SGF29: variants seen among roughly 807,000 people sequenced by gnomAD.
SGF29 encodes the protein SAGA-associated factor 29.
Under a neutral mutation model 38.1 loss-of-function variants are expected in SGF29, and 15 were observed. The ratio of observed to expected loss-of-function variants is 0.39; its 90% CI spans 0.26 to 0.61. The LOEUF (loss-of-function observed/expected upper bound fraction) is 0.61, where lower values mean the gene tolerates loss of function less well. Ranked by LOEUF, SGF29 falls within the 20% of genes least tolerant of loss-of-function variation. SGF29 has a pLI of 0.49. For synonymous variants in SGF29, 151 were observed against 160.8 expected (o/e 0.94, Z 0.46); for missense variants, 184 against 394.6 (o/e 0.47, Z 4.52).
intron 1 of SGF29, among the ~76,000 whole-genome samples, chr16:28,557,990 T>C (rs961559903): frequency 2.7e-5 from 4 of 147,944 alleles, no homozygotes; most frequent in Admixed American, 6.8e-5. Context: ...TTTTTTTTTT[T>C]TCAGAGACGG....
intron 2 of SGF29, among the ~76,000 whole-genome samples, chr16:28,584,489 C>G (rs75539558): frequency 0.32 from 48,711 of 150,214 alleles, 8,652 homozygotes; most frequent in Non-Finnish European, 0.38. Flanking sequence ...CCTGTCTCTA[C>G]TAAAAATACA....
At chr16:28,560,548 C>T (rs1011707940) in intron 1 of SGF29, among the ~76,000 whole-genome samples, 11 of 145,086 alleles carry the variant, frequency 7.6e-5, no homozygotes, top group Admixed American at 2.1e-4. Context: ...GAGGTTACAC[C>T]ATTGCACTCC....
chr16:28,590,789 C>T lies in SGF29; in HGVS notation c.619C>T (p.Arg207Trp), dbSNP rs1207027680. 1 of 1,614,046 alleles carries T rather than the reference C, an allele frequency of 6.2e-7. No individual in the cohort carries two copies. The highest frequency in any genetic ancestry group is 8.5e-7 in the Non-Finnish European group (1 of 1,179,964). ...TTCCCCCAGGAGACACACCCTGAGC[C>T]GGCGCCGTGTCATCCCGCTGCCCCA... ...EEGKERHTLSRRRVIPLPQWK... is the reference protein window; with the variant it reads ...EEGKERHTLSWRRVIPLPQWK... Residue 207 changes from arginine to tryptophan, a missense_variant, in exon 9 of 10, where the codon CGG (arginine) becomes TGG (tryptophan). Around this residue, in one of 2 missense-constraint regions of SGF29, gnomAD observed 107 missense variants for 276.9 expected, o/e 0.39. Transcript: ENST00000317058. This position sits in a 1 kb window ranked among gnomAD's most constrained non-coding sequence, Gnocchi z 8.2.
intron 1 of SGF29, among the ~76,000 whole-genome samples, chr16:28,570,026 T>C (rs774505247): frequency 2.6e-5 from 4 of 152,196 alleles, no homozygotes; most frequent in Non-Finnish European, 5.9e-5. Flanking sequence ...GGCAGAGAAC[T>C]GACACAGGGT....
intron 1 of SGF29, 21 bp from the exon 2 acceptor site, chr16:28,581,034 C>G: frequency 6.3e-7 from 1 of 1,586,244 alleles, no homozygotes; most frequent in Middle Eastern, 1.7e-4. Context: ...GAGTTCTCTT[C>G]TGTCCTCGCT....
chr16:28,561,352 G>A (rs1173083341), intron 1 of SGF29, among the ~76,000 whole-genome samples: 2 of 152,126 alleles, frequency 1.3e-5, no homozygotes, highest in Admixed American at 6.6e-5. Context: ...GGCCAACATG[G>A]TTAAACCCTG....
At chr16:28,573,330 A>C (rs529628478) in intron 1 of SGF29, among the ~76,000 whole-genome samples, 1 of 152,262 alleles carries the variant, frequency 6.6e-6, no homozygotes, top group Non-Finnish European at 1.5e-5. Flanking sequence ...AGGGAGTAGC[A>C]TCATGTCAAG....
chr16:28,564,822 CAT>C (rs1208066365), intron 1 of SGF29, among the ~76,000 whole-genome samples: 2 of 141,950 alleles, frequency 1.4e-5, no homozygotes, highest in Non-Finnish European at 3.0e-5. Flanking sequence ...CACACACACA[CAT>C]ATATATGAGT....
In SGF29 at chr16:28,574,122, A is replaced by G. The variant is rs545664888; in HGVS notation, c.-15-6933A>G. Among the ~76,000 whole-genome samples the G allele has an allele frequency of 2.6e-5, 4 of 152,342 alleles. No homozygotes were observed. In the South Asian group the frequency reaches 8.3e-4, roughly 32 times the overall value. ...ATTCGACTTGGGCACAAGGCAGGAA[A>G]AGACCGAGGCAAGTTTCAGAGCAGG... On this transcript the variant is annotated intron_variant, in intron 1 of 9. Transcript: ENST00000317058.
intron 2 of SGF29, 49 bp from the exon 3 acceptor site, chr16:28,584,864 C>G: frequency 7.1e-7 from 1 of 1,416,098 alleles, no homozygotes; most frequent in Non-Finnish European, 9.9e-7. Context: ...CAGGGTACCA[C>G]AGCAGCACAA....
chr16:28,572,902 C>G (rs1290517874), intron 1 of SGF29, among the ~76,000 whole-genome samples: 4 of 152,020 alleles, frequency 2.6e-5, no homozygotes, highest in Non-Finnish European at 5.9e-5. Context: ...GCCACGTGTT[C>G]ACATTCCTCC....
chr16:28,586,219 G>A (rs533795030), intron 4 of SGF29, among the ~76,000 whole-genome samples: 74 of 152,298 alleles, frequency 4.9e-4, no homozygotes, highest in African/African-American at 1.6e-3. Flanking sequence ...ATGGTTCTGA[G>A]ATGGAGAAGT....
chr16:28,558,882 T>A (rs750943944), intron 1 of SGF29, among the ~76,000 whole-genome samples: 1 of 151,980 alleles, frequency 6.6e-6, no homozygotes, highest in Non-Finnish European at 1.5e-5. Flanking sequence ...TGGCTGCCAG[T>A]GACTGAGAGG....
chr16:28,576,749 G>A (rs535033937), intron 1 of SGF29, among the ~76,000 whole-genome samples: 78 of 152,208 alleles, frequency 5.1e-4, no homozygotes, highest in African/African-American at 1.8e-3. Flanking sequence ...TGTACACAAC[G>A]CTCATAGCAG....
chr16:28,564,576 TACACGTATATATATAC>T (rs1567285648), intron 1 of SGF29, among the ~76,000 whole-genome samples: 2 of 132,214 alleles, frequency 1.5e-5, no homozygotes, highest in African/African-American at 2.8e-5. Flanking sequence ...CGTATATATA[TACACGTATATATATAC>T]ACACATATAT....
intron 1 of SGF29, among the ~76,000 whole-genome samples, chr16:28,580,722 A>C (rs1398698247): frequency 6.6e-6 from 1 of 152,126 alleles, no homozygotes; most frequent in Non-Finnish European, 1.5e-5. Flanking sequence ...TCACACTGTC[A>C]TGTAGGCTGG....
At position 28,589,060 on chromosome 16, in the gene SGF29, C is replaced by T. The variant is rs16940492; in HGVS notation, c.225-40C>T. 10,319 of 1,609,580 alleles carry T rather than the reference C, an allele frequency of 6.4e-3. 616 individuals carry two copies. The African/African-American group carries it at 0.12, about 19-fold the overall frequency. On this transcript the variant is annotated intron_variant, in intron 4 of 9. Transcript: ENST00000317058. The stretch of plus-strand genomic sequence containing the variant: ...ATGGAAGAGAAGTCTATGCTATGTA[C>T]GTTAACCAAACCCTCTTTCTCCCTT...
chr16:28,572,729 T>C (rs1346781077), intron 1 of SGF29, among the ~76,000 whole-genome samples: 1 of 152,182 alleles, frequency 6.6e-6, no homozygotes, highest in East Asian at 1.9e-4. Flanking sequence ...CAAGATCGTG[T>C]GTCTGAGACA....
At chr16:28,561,209 T>A (rs1444390947) in intron 1 of SGF29, among the ~76,000 whole-genome samples, 1 of 149,980 alleles carries the variant, frequency 6.7e-6, no homozygotes, top group African/African-American at 2.5e-5. Context: ...CTGGGCAACA[T>A]AGTGAGACCC....
Sources: gnomAD v4.1 joint callset for allele counts (sites outside exome capture counted in the v4.1 genomes callset) on GRCh38, gnomAD v4.1.1 for gene constraint, gnomAD v4.1.1 regional missense constraint, Gnocchi (gnomAD v3.1) non-coding constraint, MANE v1.5 for transcripts, NCBI Gene and HGNC (gene_info 2026-07-23, HGNC 2026-07-21) for gene names.